The following FANCC variants were observed in gnomAD, a reference collection of about 807,000 sequenced individuals.
FANCC encodes the protein Fanconi anemia group C protein.
Under a neutral mutation model 71.3 loss-of-function variants are expected in FANCC, and 55 were observed. The ratio of observed to expected loss-of-function variants is 0.77; its 90% confidence interval spans 0.62 to 0.97. The LOEUF (loss-of-function observed/expected upper bound fraction) is 0.97, where lower values mean the gene tolerates loss of function less well. FANCC is among the 50% of genes least tolerant of loss of function. FANCC has a pLI of 0.00. For synonymous variants in FANCC, 275 were observed against 244.9 expected (o/e 1.12, Z -1.15); for missense variants, 678 against 670.9 (o/e 1.01, Z -0.12).
intron 4 of FANCC, among the ~76,000 whole-genome samples, 192 bp from the exon 5 acceptor site, chr9:95,172,339 AAAG>A (rs1182677281): frequency 1.3e-5 from 2 of 152,238 alleles, no homozygotes; most frequent in African/African-American, 4.8e-5. Context: ...AACACATTAA[AAAG>A]AAGTCAATTT....
chr9:95,107,270 C>G lies in FANCC; in HGVS notation c.1330-1G>C. 6.2e-7 allele frequency: 1 copy of G among 1,613,512 alleles called. No homozygotes were observed. Among genetic ancestry groups the G allele is most frequent in the South Asian group, 1.1e-5 (1 of 90,950 alleles). On this transcript the variant is annotated splice_acceptor_variant, in intron 13 of 14. Transcript: ENST00000289081. LOFTEE classifies it high-confidence loss of function. ...GGCCCAGCACGGCCTTCACCTGGAC[C>G]TGGGCAATAGTATTTCACAGGGGAG...
intron 1 of FANCC, among the ~76,000 whole-genome samples, chr9:95,305,143 A>T (rs565959252): frequency 6.6e-6 from 1 of 152,332 alleles, no homozygotes; most frequent in African/African-American, 2.4e-5. Flanking sequence ...GTAAAGGCAA[A>T]TGGAATTTAA....
intron 4 of FANCC, among the ~76,000 whole-genome samples, chr9:95,236,090 C>T (rs923122158): frequency 5.3e-5 from 8 of 152,018 alleles, no homozygotes; most frequent in African/African-American, 1.5e-4. Flanking sequence ...TATTGCATTT[C>T]GAAAGAAAAT....
intron 7 of FANCC, among the ~76,000 whole-genome samples, chr9:95,148,428 C>T (rs375044666): frequency 6.6e-6 from 1 of 152,178 alleles, no homozygotes; most frequent in East Asian, 1.9e-4. Flanking sequence ...CACATACTTT[C>T]TCAATAATTA....
chr9:95,305,196 C>T (rs1835002235), intron 1 of FANCC, among the ~76,000 whole-genome samples: 1 of 152,212 alleles, frequency 6.6e-6, no homozygotes, highest in Non-Finnish European at 1.5e-5. Flanking sequence ...AATCACCCCA[C>T]ACATACAGCC....
intron 1 of FANCC, among the ~76,000 whole-genome samples, chr9:95,285,026 GA>G (rs35393511): frequency 1.3e-5 from 2 of 148,730 alleles, no homozygotes; most frequent in African/African-American, 4.9e-5. Flanking sequence ...TCTAAATACT[GA>G]AAAAAAAAGA....
Position 95,201,077 on chromosome 9 carries a change from A to G in FANCC, c.346-28930T>C, listed in dbSNP as rs74610900. Among the ~76,000 whole-genome samples, 1,109 of 152,328 alleles carry G rather than the reference A, an allele frequency of 7.3e-3. 12 individuals carry two copies. Among genetic ancestry groups the G allele is most frequent in the African/African-American group, 0.025 (1,054 of 41,554 alleles). On this transcript the variant is annotated intron_variant, in intron 4 of 14. Coordinates refer to ENST00000289081, the MANE Select transcript of FANCC (RefSeq NM_000136.3). ...TATAAATGTGGGCTGGTACTATGCA[A>G]TGTAAAAATACAATTAACAAAAGAG...
At chr9:95,170,905 A>G (rs1404195079) in intron 6 of FANCC, among the ~76,000 whole-genome samples, 174 bp downstream of exon 6, 1 of 152,174 alleles carries the variant, frequency 6.6e-6, no homozygotes, top group Non-Finnish European at 1.5e-5. Context: ...AGTGATTTTT[A>G]AAAGAGTTTG....
At chr9:95,300,240 G>C (rs1018120194) in intron 1 of FANCC, among the ~76,000 whole-genome samples, 1 of 152,070 alleles carries the variant, frequency 6.6e-6, no homozygotes, top group Non-Finnish European at 1.5e-5. Flanking sequence ...TTAAGCAGAA[G>C]GGAAATCTGG....
intron 10 of FANCC, among the ~76,000 whole-genome samples, chr9:95,120,736 A>G (rs1305637839): frequency 6.6e-6 from 1 of 151,846 alleles, no homozygotes; most frequent in African/African-American, 2.4e-5. Flanking sequence ...CCAGGTCTTC[A>G]TTTTTTTTGT....
chr9:95,227,049 C>G (rs1289041829), intron 4 of FANCC, among the ~76,000 whole-genome samples: 1 of 152,184 alleles, frequency 6.6e-6, no homozygotes, highest in Non-Finnish European at 1.5e-5. Context: ...TTCCTTTCTA[C>G]TCCATAGCTG....
At chr9:95,292,584 A>C in intron 1 of FANCC, 1 of 1,461,208 alleles carries the variant, frequency 6.8e-7, no homozygotes, top group Non-Finnish European at 9.5e-7. Flanking sequence ...ATGGCCCAAC[A>C]TCCTGTGCAC....
At chr9:95,286,160 A>G (rs746147486) in intron 1 of FANCC, among the ~76,000 whole-genome samples, 3 of 152,242 alleles carry the variant, frequency 2.0e-5, no homozygotes, top group Non-Finnish European at 4.4e-5. Flanking sequence ...AGCAAACACC[A>G]CAATGTTAAC....
chr9:95,201,213 T>A (rs564110589), intron 4 of FANCC, among the ~76,000 whole-genome samples: 104 of 152,272 alleles, frequency 6.8e-4, no homozygotes, highest in Non-Finnish European at 1.3e-3. Flanking sequence ...AAAAAAAATT[T>A]TTTTTTTTGC....
At chr9:95,301,015 A>G (rs1834692610) in intron 1 of FANCC, among the ~76,000 whole-genome samples, 1 of 152,176 alleles carries the variant, frequency 6.6e-6, no homozygotes, top group African/African-American at 2.4e-5. Context: ...TGTAGAAGGA[A>G]GGCAAACATC....
In FANCC at chr9:95,150,038, T is replaced by G. The variant is rs752429169; in HGVS notation, c.571A>C (p.Ile191Leu). Reference sequence around the variant, plus strand: ...AGGGGGTCAACATCTGTCAGGGTAATAAGTGGGACACAAACTCGTGACAGG... The same window carrying G: ...AGGGGGTCAACATCTGTCAGGGTAAGAAGTGGGACACAAACTCGTGACAGG... ...ASLSRVCVPLITLTDVDPLVE... is the reference protein window; with the variant it reads ...ASLSRVCVPLLTLTDVDPLVE... The change falls in exon 7 of 15, where the codon ATT becomes CTT. Residue 191 changes from isoleucine (I) to leucine (L), a missense_variant. Physicochemically the swap from Ile to Leu is conservative, Grantham distance 5. Transcript: ENST00000289081. The G allele has an allele frequency of 6.2e-6, 10 of 1,613,924 alleles. No homozygotes were observed. Among genetic ancestry groups the G allele is most frequent in the African/African-American group, 1.3e-5 (1 of 74,870 alleles).
intron 1 of FANCC, chr9:95,292,213 C>T (rs1834064864): frequency 6.2e-6 from 1 of 161,904 alleles, no homozygotes; most frequent in African/African-American, 2.4e-5. Context: ...AGGACAGTCT[C>T]TTCAATGAAT....
chr9:95,120,539 G>A (rs979680630), intron 10 of FANCC, among the ~76,000 whole-genome samples: 27 of 150,702 alleles, frequency 1.8e-4, no homozygotes, highest in African/African-American at 5.9e-4. Flanking sequence ...TTCACCCCCC[G>A]AGTAGCCGGG....
intron 4 of FANCC, among the ~76,000 whole-genome samples, chr9:95,180,825 CAT>C (rs974364336): frequency 2.8e-4 from 42 of 152,098 alleles, no homozygotes; most frequent in Non-Finnish European, 5.9e-4. Flanking sequence ...TCACCACAAA[CAT>C]GTGAACAATG....
Sources: allele counts gnomAD v4.1 joint callset (sites outside exome capture counted in the v4.1 genomes callset), GRCh38; gene constraint gnomAD v4.1.1; transcripts MANE v1.5; gene names NCBI Gene and HGNC (gene_info 2026-07-23, HGNC 2026-07-21).